The following RIC1 variants were observed in gnomAD, a reference collection of about 807,000 sequenced individuals.
RIC1 encodes guanine nucleotide exchange factor subunit RIC1.
In RIC1, 88 loss-of-function variants were observed where a neutral mutation model predicts 169.0. That is an observed-to-expected ratio of 0.52 (90% confidence interval 0.44 to 0.62). The LOEUF (loss-of-function observed/expected upper bound fraction) is 0.62, where lower values mean the gene tolerates loss of function less well. Among genes scored for constraint, RIC1 ranks in the 20% least tolerant of loss-of-function variants. RIC1 has a pLI of 0.00. For missense variants in RIC1, 1,877 were observed against 1,725.5 expected (o/e 1.09, Z -1.56); for synonymous variants, 790 against 601.5 (o/e 1.31, Z -4.59).
At chr9:5,690,188 C>A in intron 3 of RIC1, 150 bp downstream of exon 3, 1 of 480,160 alleles carries the variant, frequency 2.1e-6, no homozygotes, top group Non-Finnish European at 3.6e-6. Flanking sequence ...GGTCTTTGAA[C>A]TGTCATTTCT....
At chr9:5,658,331 G>A (rs1332590644) in intron 2 of RIC1, among the ~76,000 whole-genome samples, 1 of 152,052 alleles carries the variant, frequency 6.6e-6, no homozygotes, top group Non-Finnish European at 1.5e-5. Context: ...TGTACTGAAG[G>A]TTAAGTTAGA....
rs184167774 is a variant in RIC1, at chr9:5,716,700, A to G, written c.440+2697A>G. On this transcript the variant is annotated intron_variant, in intron 4 of 25. Transcript: ENST00000414202. ...GTTCTGACATCGCCCTACTACGCCA[A>G]TAATGAATCCTTCAGTTGGCCAGAT... is the stretch of plus-strand genomic sequence containing the variant. Among the ~76,000 whole-genome samples, 564 of 152,366 alleles carry G rather than the reference A, an allele frequency of 3.7e-3. 1 individual carries two copies. The highest frequency in any genetic ancestry group is 6.1e-3 in the Non-Finnish European group (416 of 68,022).
intron 17 of RIC1, among the ~76,000 whole-genome samples, chr9:5,757,870 T>C (rs954608456): frequency 4.6e-5 from 7 of 152,282 alleles, no homozygotes; most frequent in African/African-American, 9.6e-5. Flanking sequence ...ACTCAGGGAA[T>C]TGGAAGAATT....
chr9:5,704,636 CT>C (rs1445122745), intron 3 of RIC1, among the ~76,000 whole-genome samples: 14 of 152,018 alleles, frequency 9.2e-5, no homozygotes, highest in African/African-American at 3.1e-4. Context: ...GGGCTTTTCA[CT>C]TTCTTGGTAG....
chr9:5,768,628 C>G (rs1826965977), intron 21 of RIC1, among the ~76,000 whole-genome samples: 1 of 152,146 alleles, frequency 6.6e-6, no homozygotes. Context: ...CTTTGATGTG[C>G]TCTCCTTCCC....
At chr9:5,714,335 T>C (rs1265331176) in intron 4 of RIC1, among the ~76,000 whole-genome samples, 1 of 152,166 alleles carries the variant, frequency 6.6e-6, no homozygotes, top group Admixed American at 6.5e-5. Flanking sequence ...AAAGAGAAAG[T>C]GCCTTTGTTT....
chr9:5,651,666 T>A (rs1257062857), intron 1 of RIC1, among the ~76,000 whole-genome samples: 2 of 149,380 alleles, frequency 1.3e-5, no homozygotes, highest in Admixed American at 6.8e-5. Context: ...TGGGTTCAAG[T>A]GATTCTCCTG....
intron 2 of RIC1, among the ~76,000 whole-genome samples, chr9:5,671,400 C>G (rs1820097174): frequency 6.6e-6 from 1 of 151,996 alleles, no homozygotes; most frequent in Non-Finnish European, 1.5e-5. Flanking sequence ...CTTACCCTCC[C>G]AAGTAGTTGG....
At chr9:5,683,914 G>A (rs1257814977) in intron 2 of RIC1, among the ~76,000 whole-genome samples, 2 of 152,184 alleles carry the variant, frequency 1.3e-5, no homozygotes, top group African/African-American at 4.8e-5. Context: ...AGCAATGAGC[G>A]AGGCTCCGTG....
intron 2 of RIC1, among the ~76,000 whole-genome samples, chr9:5,677,459 C>T (rs1396986651): frequency 1.3e-5 from 2 of 152,170 alleles, no homozygotes; most frequent in Non-Finnish European, 2.9e-5. Flanking sequence ...CCCTTCTACA[C>T]AGCATATCTT....
At chr9:5,719,619 C>CATGA (rs1823467593) in intron 4 of RIC1, 1 of 152,306 alleles carries the variant, frequency 6.6e-6, no homozygotes, top group Non-Finnish European at 1.5e-5. Context: ...ACTAGTCACA[C>CATGA]ATGAATTTAT....
intron 4 of RIC1, among the ~76,000 whole-genome samples, chr9:5,716,784 A>G (rs778499079): frequency 2.0e-5 from 3 of 152,184 alleles, no homozygotes; most frequent in East Asian, 1.9e-4. Flanking sequence ...GGCAAGGTCT[A>G]TTTACCAACA....
chr9:5,753,622 G>T lies in RIC1; in HGVS notation c.1578G>T (p.Trp526Cys). 1 of 1,601,560 alleles carries T rather than the reference G, an allele frequency of 6.2e-7. No homozygotes were observed. Among genetic ancestry groups the T allele is most frequent in the Non-Finnish European group, 8.5e-7 (1 of 1,171,772 alleles). The change falls in exon 14 of 26, where the codon TGG (tryptophan) becomes TGT (cysteine). Residue 526 changes from tryptophan to cysteine, a missense_variant. Physicochemically the swap from Trp to Cys is radical, Grantham distance 215. Around this residue, in one of 3 missense-constraint regions of RIC1, gnomAD observed 1,104 missense variants for 992.0 expected, o/e 1.11. Coordinates refer to ENST00000414202, the MANE Select transcript of RIC1 (RefSeq NM_020829.4). The part of the protein sequence containing the change: ...FAHYSLLTKK[W>C]KLFGNITQEQ... ...ATTACTCTTTACTCACCAAAAAATG[G>T]AAACTTTTTGGAAACATTACCCAGG...
chr9:5,762,695 TAAG>T, intron 18 of RIC1, 35 bp downstream of exon 18: 1 of 1,604,706 alleles, frequency 6.2e-7, no homozygotes, highest in Non-Finnish European at 8.5e-7. Context: ...TTTCAAACAT[TAAG>T]AAGGTATGGG....
intron 3 of RIC1, 156 bp from the exon 4 acceptor site, chr9:5,713,740 T>C (rs1219818956): frequency 6.0e-6 from 3 of 497,974 alleles, no homozygotes; most frequent in Non-Finnish European, 7.3e-6. Flanking sequence ...ATGTCTGCTA[T>C]AATAGAATTT....
intron 1 of RIC1, among the ~76,000 whole-genome samples, chr9:5,633,513 A>G (rs2130235297): frequency 6.6e-6 from 1 of 152,256 alleles, no homozygotes; most frequent in African/African-American, 2.4e-5. Flanking sequence ...TTTATGAGTC[A>G]TTCTTTACCT....
chr9:5,758,904 C>G (rs942885899), intron 17 of RIC1, among the ~76,000 whole-genome samples: 41 of 152,040 alleles, frequency 2.7e-4, no homozygotes, highest in Admixed American at 2.3e-3. Context: ...GCCACCACGC[C>G]CAGCTAATTT....
chr9:5,679,338 C>A (rs1820664341), intron 2 of RIC1, among the ~76,000 whole-genome samples: 1 of 151,978 alleles, frequency 6.6e-6, no homozygotes, highest in African/African-American at 2.4e-5. Context: ...TTTTTGGTTC[C>A]ATATGAACTT....
chr9:5,725,326 G>T (rs1050165706), intron 6 of RIC1, among the ~76,000 whole-genome samples: 4 of 152,066 alleles, frequency 2.6e-5, no homozygotes, highest in African/African-American at 9.7e-5. Flanking sequence ...TTCTTCTAGA[G>T]TTTCTAGTTT....
Sources: allele counts gnomAD v4.1 joint callset (sites outside exome capture counted in the v4.1 genomes callset), GRCh38; gene constraint gnomAD v4.1.1; regional missense constraint gnomAD v4.1.1; transcripts MANE v1.5; gene names NCBI Gene and HGNC (gene_info 2026-07-23, HGNC 2026-07-21).